ENTREP2: variants seen among roughly 807,000 people sequenced by gnomAD.
ENTREP2 encodes endosomal transmembrane epsin interactor 2.
At chr15:29,429,251 T>C in the ENTREP2 span, among the ~76,000 whole-genome samples, 4 of 152,116 alleles carry the variant, frequency 2.6e-5, no homozygotes, top group Non-Finnish European at 4.4e-5. Context: ...AGATGGGGTG[T>C]TGCTCTGTGG....
At chr15:29,654,258 C>T in the ENTREP2 span, among the ~76,000 whole-genome samples, 4 of 152,088 alleles carry the variant, frequency 2.6e-5, no homozygotes, top group Middle Eastern at 3.2e-3. Flanking sequence ...CTCAAACTTT[C>T]GCATTCATAT....
chr15:29,618,092 G>A, the ENTREP2 span, among the ~76,000 whole-genome samples: 1 of 152,144 alleles, frequency 6.6e-6, no homozygotes, highest in Non-Finnish European at 1.5e-5. Context: ...TAGTTCATCT[G>A]TCTGTAGCCA....
the ENTREP2 span, among the ~76,000 whole-genome samples, chr15:29,480,990 TC>T: frequency 6.6e-6 from 1 of 151,952 alleles, no homozygotes; most frequent in African/African-American, 2.4e-5. Context: ...CGAGGGAAAG[TC>T]CCTAGACCAT....
chr15:29,674,640 A>T, the ENTREP2 span, among the ~76,000 whole-genome samples: 95 of 152,010 alleles, frequency 6.2e-4, no homozygotes, highest in Admixed American at 1.2e-3. Flanking sequence ...GGGATTAAGA[A>T]TATCGAGGGA....
the ENTREP2 span, among the ~76,000 whole-genome samples, chr15:29,206,942 C>T: frequency 6.6e-6 from 1 of 152,120 alleles, no homozygotes; most frequent in Non-Finnish European, 1.5e-5. Context: ...CAGTTTGGGA[C>T]CAATCAAAAC....
the ENTREP2 span, among the ~76,000 whole-genome samples, chr15:29,220,690 T>C: frequency 2.0e-5 from 3 of 152,184 alleles, no homozygotes; most frequent in Non-Finnish European, 2.9e-5. Context: ...AATCTAGGGT[T>C]TTCTTTGGTG....
the ENTREP2 span, among the ~76,000 whole-genome samples, chr15:29,163,645 G>A: frequency 6.6e-6 from 1 of 151,824 alleles, no homozygotes; most frequent in Admixed American, 6.6e-5. Flanking sequence ...TATGAACAAA[G>A]CCTCCAAGAA....
the ENTREP2 span, among the ~76,000 whole-genome samples, chr15:29,506,267 C>A: frequency 6.6e-6 from 1 of 151,984 alleles, no homozygotes; most frequent in African/African-American, 2.4e-5. Context: ...GTGAAAAGAC[C>A]AAACCTACGA....
chr15:29,325,656 A>G, the ENTREP2 span, among the ~76,000 whole-genome samples: 1 of 151,912 alleles, frequency 6.6e-6, no homozygotes, highest in Non-Finnish European at 1.5e-5. Flanking sequence ...TTCACTGACG[A>G]ATCCTACTAA....
At chr15:29,566,094 G>T in the ENTREP2 span, among the ~76,000 whole-genome samples, 1 of 152,184 alleles carries the variant, frequency 6.6e-6, no homozygotes, top group East Asian at 1.9e-4. Flanking sequence ...TATGGGTAGA[G>T]AATTGGGGTA....
the ENTREP2 span, among the ~76,000 whole-genome samples, chr15:29,241,575 T>G: frequency 6.6e-6 from 1 of 152,192 alleles, no homozygotes; most frequent in Admixed American, 6.6e-5. Context: ...CATTTCATAT[T>G]TAAAAAGAAA....
chr15:29,454,851 T>G, the ENTREP2 span, among the ~76,000 whole-genome samples: 7 of 152,198 alleles, frequency 4.6e-5, no homozygotes, highest in Admixed American at 4.6e-4. Flanking sequence ...TAATACACAT[T>G]CGTTGCTGTA....
the ENTREP2 span, chr15:29,136,273 T>C: frequency 7.4e-7 from 1 of 1,342,452 alleles, no homozygotes; most frequent in Non-Finnish European, 9.7e-7. Flanking sequence ...AGCTCGGACC[T>C]GGCGCGGTGT....
At chr15:29,317,543 C>T in the ENTREP2 span, among the ~76,000 whole-genome samples, 184 of 152,296 alleles carry the variant, frequency 1.2e-3, 1 homozygote, top group African/African-American at 4.4e-3. Context: ...AAGTTCATCA[C>T]ATATGCAAAA....
At chr15:29,435,625 G>A in the ENTREP2 span, among the ~76,000 whole-genome samples, 1 of 151,854 alleles carries the variant, frequency 6.6e-6, no homozygotes, top group East Asian at 1.9e-4. Context: ...ATAAAAATAA[G>A]GCCCTTGGAT....
At chr15:29,433,463 TCA>T in the ENTREP2 span, among the ~76,000 whole-genome samples, 1 of 152,192 alleles carries the variant, frequency 6.6e-6, no homozygotes, top group Admixed American at 6.5e-5. Context: ...TCATAGTAAT[TCA>T]CATATCCATG....
the ENTREP2 span, chr15:29,235,003 T>C: frequency 7.5e-7 from 1 of 1,337,974 alleles, no homozygotes; most frequent in Non-Finnish European, 1.1e-6. Context: ...CATTTAGGGT[T>C]GCTTGAAGTT....
the ENTREP2 span, among the ~76,000 whole-genome samples, chr15:29,615,623 C>T: frequency 6.6e-6 from 1 of 152,160 alleles, no homozygotes; most frequent in Non-Finnish European, 1.5e-5. Flanking sequence ...TGTTCCCCCA[C>T]CTAAATGTTT....
chr15:29,652,017 T>C, the ENTREP2 span, among the ~76,000 whole-genome samples: 1 of 152,160 alleles, frequency 6.6e-6, no homozygotes, highest in Non-Finnish European at 1.5e-5. Flanking sequence ...TGCTTTTTCC[T>C]GGGCCCGCCC....
Sources: allele counts gnomAD v4.1 joint callset (sites outside exome capture counted in the v4.1 genomes callset), GRCh38; gene constraint gnomAD v4.1.1; transcripts MANE v1.5; gene names NCBI Gene and HGNC (gene_info 2026-07-23, HGNC 2026-07-21).